PGM5: variants seen among roughly 807,000 people sequenced by gnomAD.
PGM5 encodes phosphoglucomutase-like protein 5.
PGM5 carries 23 observed loss-of-function variants against 59.2 expected under a neutral mutation model. That is an observed-to-expected ratio of 0.39 (90% CI 0.28 to 0.55). The LOEUF is 0.55. PGM5 is among the 20% of genes least tolerant of loss of function. PGM5 has a pLI of 0.66. For synonymous variants in PGM5, 214 were observed against 286.0 expected (o/e 0.75, Z 2.54); for missense variants, 574 against 748.3 (o/e 0.77, Z 2.72).
In PGM5 at chr9:68,465,076, C is replaced by A. The variant is rs1353032575; in HGVS notation, c.1044-17C>A. The A allele has an allele frequency of 2.0e-6, 3 of 1,509,676 alleles. No homozygotes were observed. The highest frequency in any genetic ancestry group is 2.3e-5 in the South Asian group (2 of 86,606). 93.5% of individuals were successfully genotyped at this position (1,509,676 alleles called of 1,614,324 possible). ...ATGAAATATATGAATTGACTTTTCT[C>A]AAATTTCATTTTTCAGAGTGGCCAA... On this transcript the variant is annotated splice_polypyrimidine_tract_variant and intron_variant, in intron 6 of 10. Coordinates refer to ENST00000396396, the MANE Select transcript of PGM5 (RefSeq NM_021965.4).
rs914964570 is a variant in PGM5 at position 68,478,948 on chromosome 9, C to G, written c.1160-470C>G. 2.6e-5 allele frequency among the ~76,000 whole-genome samples: 4 copies of G among 152,328 alleles called. 1 individual carries two copies. In the East Asian group the frequency reaches 7.7e-4, roughly 29 times the overall value. ...GTTATGCTCTGTGACATCATCACCT[C>G]TTTATTTTCTTCAAAGCACTTGTCC... On this transcript the variant is annotated intron_variant, in intron 7 of 10. Transcript: ENST00000396396.
At position 68,393,877 on chromosome 9, in the gene PGM5, G is replaced by C. The variant is rs576346818; in HGVS notation, c.1043+1404G>C. 2.8e-4 allele frequency: 43 copies of C among 152,104 alleles called. 1 individual carries two copies. The highest frequency in any genetic ancestry group is 9.9e-4 in the African/African-American group (41 of 41,496). 9.4% of individuals were successfully genotyped at this position (152,104 alleles called of 1,614,324 possible). On this transcript the variant is annotated intron_variant, in intron 6 of 10. Transcript: ENST00000396396. ...AAACAATACAAATGTCCATCAACAG[G>C]AGATTGCAAAAATAAATTGTGATAT...
At chr9:68,444,162 G>A (rs903557126) in intron 6 of PGM5, among the ~76,000 whole-genome samples, 1 of 151,716 alleles carries the variant, frequency 6.6e-6, no homozygotes, top group Non-Finnish European at 1.5e-5. Context: ...GGTGTTTTGG[G>A]ATCAAAGACA....
chr9:68,452,804 A>C (rs1257669822), intron 6 of PGM5, among the ~76,000 whole-genome samples: 4 of 152,220 alleles, frequency 2.6e-5, no homozygotes, highest in Non-Finnish European at 5.9e-5. Context: ...AGCTTAGTGC[A>C]AACTAGGACC....
chr9:68,498,265 A>G (rs1247916216), intron 9 of PGM5: 3 of 152,196 alleles, frequency 2.0e-5, no homozygotes, highest in Non-Finnish European at 4.4e-5. Flanking sequence ...AAATTTCACC[A>G]TGGCAATATA....
intron 10 of PGM5, among the ~76,000 whole-genome samples, chr9:68,517,475 G>A (rs11795356): frequency 0.017 from 2,561 of 152,242 alleles, 22 homozygotes; most frequent in Non-Finnish European, 0.025. Context: ...ACTGCCTCTA[G>A]TGTACTATTG....
chr9:68,367,503 G>A (rs1290040656), intron 1 of PGM5, among the ~76,000 whole-genome samples: 2 of 152,228 alleles, frequency 1.3e-5, no homozygotes, highest in Admixed American at 1.3e-4. Flanking sequence ...GTGCTTTAAA[G>A]TACTTTGGCA....
chr9:68,468,323 T>C (rs1400303663), intron 7 of PGM5, among the ~76,000 whole-genome samples: 8 of 152,236 alleles, frequency 5.3e-5, no homozygotes, highest in Non-Finnish European at 1.0e-4. Flanking sequence ...TAGAGTCTTA[T>C]ATATTGTATA....
At chr9:68,357,566 C>A (rs1381973162) in intron 1 of PGM5, among the ~76,000 whole-genome samples, 178 bp downstream of exon 1, 1 of 152,218 alleles carries the variant, frequency 6.6e-6, no homozygotes, top group South Asian at 2.1e-4. Flanking sequence ...GCAGCCTCCC[C>A]GGTGCACCCC....
rs1823456271 is a variant in PGM5 at position 68,437,365 on chromosome 9, G to C, written c.1044-27728G>C. On this transcript the variant is annotated intron_variant, in intron 6 of 10. Transcript: ENST00000396396. The surrounding 1 kb of genome is among the most constrained non-coding windows in gnomAD (Gnocchi z 4.1). ...CTTGGCAACTTTCGTGAAATGGTGTGCCTTAAAGAGGAAGGAATTTACAGT... is the reference window on the plus strand; with the variant it reads ...CTTGGCAACTTTCGTGAAATGGTGTCCCTTAAAGAGGAAGGAATTTACAGT... Among the ~76,000 whole-genome samples, 1 of 152,202 alleles carries C rather than the reference G, an allele frequency of 6.6e-6. No homozygotes were observed. Among genetic ancestry groups the C allele is most frequent in the African/African-American group, 2.4e-5 (1 of 41,444 alleles).
intron 6 of PGM5, among the ~76,000 whole-genome samples, chr9:68,401,943 A>G (rs1822682614): frequency 1.3e-5 from 2 of 150,974 alleles, no homozygotes; most frequent in African/African-American, 4.9e-5. Context: ...ATATTTGTCA[A>G]GGCTCATGAA....
chr9:68,378,613 G>C (rs551759034), intron 2 of PGM5, among the ~76,000 whole-genome samples: 40 of 152,148 alleles, frequency 2.6e-4, no homozygotes, highest in African/African-American at 9.2e-4. Flanking sequence ...GATATGGAAG[G>C]ACTCTGAATT....
At chr9:68,449,662 G>A (rs782053572) in intron 6 of PGM5, among the ~76,000 whole-genome samples, 2 of 152,168 alleles carry the variant, frequency 1.3e-5, no homozygotes, top group Non-Finnish European at 2.9e-5. Context: ...AAGGCTTGTA[G>A]AAAAGCAGTG....
At chr9:68,500,781 A>T (rs1824560539) in intron 10 of PGM5, among the ~76,000 whole-genome samples, 1 of 151,896 alleles carries the variant, frequency 6.6e-6, no homozygotes, top group Admixed American at 6.6e-5. Flanking sequence ...ACTCACTCTG[A>T]CTCCGGGCTA....
intron 7 of PGM5, among the ~76,000 whole-genome samples, chr9:68,470,132 C>G (rs1213195445): frequency 6.6e-6 from 1 of 152,114 alleles, no homozygotes; most frequent in Non-Finnish European, 1.5e-5. Context: ...ATCTCCCTTC[C>G]TGGAACTAGT....
rs1271769761 is a variant in PGM5 at position 68,388,792 on chromosome 9, G to A, written c.697+1204G>A. On this transcript the variant is annotated intron_variant, in intron 4 of 10. Transcript: ENST00000396396. Reference sequence around the variant, plus strand: ...AACTTGAGAAATCCAGTGCTATTTTGATTTTTAATCCATTGTCTTTCCTTT... The same window carrying A: ...AACTTGAGAAATCCAGTGCTATTTTAATTTTTAATCCATTGTCTTTCCTTT... Among the ~76,000 whole-genome samples, 8 of 152,188 alleles carry A rather than the reference G, an allele frequency of 5.3e-5. No individual in the cohort carries two copies. The East Asian group carries it at 1.5e-3, about 29-fold the overall frequency.
At chr9:68,449,580 T>G (rs1564008579) in intron 6 of PGM5, among the ~76,000 whole-genome samples, 1 of 152,204 alleles carries the variant, frequency 6.6e-6, no homozygotes, top group Non-Finnish European at 1.5e-5. Flanking sequence ...TTCTGCCTGT[T>G]AAGTGATAGC....
At chr9:68,412,515 T>C (rs1822951751) in intron 6 of PGM5, among the ~76,000 whole-genome samples, 1 of 152,246 alleles carries the variant, frequency 6.6e-6, no homozygotes, top group African/African-American at 2.4e-5. Flanking sequence ...TGTCAAATTT[T>C]CTTCACAAGC....
chr9:68,376,850 TCTC>T (rs1821923806), intron 1 of PGM5, among the ~76,000 whole-genome samples: 1 of 110,462 alleles, frequency 9.1e-6, no homozygotes, highest in Admixed American at 9.9e-5. Flanking sequence ...TTTCTTTCTT[TCTC>T]TTTCTTTCTT....
Sources: gnomAD v4.1 joint callset for allele counts (sites outside exome capture counted in the v4.1 genomes callset) on GRCh38, gnomAD v4.1.1 for gene constraint, Gnocchi (gnomAD v3.1) non-coding constraint, MANE v1.5 for transcripts, NCBI Gene and HGNC (gene_info 2026-07-23, HGNC 2026-07-21) for gene names.